The following ZNF777 variants were observed in gnomAD, a reference collection of about 807,000 sequenced individuals.
The protein encoded by ZNF777 is zinc finger protein 777.
ZNF777 carries 7 observed loss-of-function variants against 72.1 expected under a neutral mutation model. The observed-to-expected ratio is 0.10, with a 90% CI of 0.06 to 0.18. The LOEUF is 0.18. Among genes scored for constraint, ZNF777 ranks in the 10% least tolerant of loss-of-function variants. The pLI is 1.00. For missense variants in ZNF777, 828 were observed against 1,128.6 expected, an observed-to-expected ratio of 0.73 and a Z score of 3.82; for synonymous variants, 545 against 483.5, an observed-to-expected ratio of 1.13 and a Z score of -1.67.
chr7:149,432,436 G>A lies in ZNF777; in HGVS notation c.1836C>T (p.Asn612=). 6.2e-7 allele frequency: 1 copy of A among 1,613,472 alleles called. No homozygotes were observed. Among genetic ancestry groups the A allele is most frequent in the Non-Finnish European group, 8.5e-7 (1 of 1,179,922 alleles). ...CVSPERGPTF[N]PKHALKPRPK... is the part of the protein sequence containing the mutation. ...GACGCGGCTTGAGCGCGTGCTTGGG[G>A]TTGAACGTGGGCCCGCGTTCGGGTG... Residue 612 remains asparagine, a synonymous_variant, in exon 6 of 6, where the codon AAC becomes AAT. Coordinates refer to ENST00000247930, the MANE Select transcript of ZNF777 (RefSeq NM_015694.3).
At chr7:149,443,538 G>C (rs980544945) in intron 4 of ZNF777, among the ~76,000 whole-genome samples, 2 of 151,908 alleles carry the variant, frequency 1.3e-5, no homozygotes, top group Non-Finnish European at 2.9e-5. Flanking sequence ...TCCAATCTTC[G>C]CATGGCTATA....
At chr7:149,442,216 C>CAA (rs528928411) in intron 4 of ZNF777, among the ~76,000 whole-genome samples, 2 of 83,138 alleles carry the variant, frequency 2.4e-5, no homozygotes, top group African/African-American at 4.8e-5. Flanking sequence ...GACTCTGTCT[C>CAA]AAAAAAAAAA....
chr7:149,435,566 C>G (rs981958392), intron 5 of ZNF777, among the ~76,000 whole-genome samples: 5 of 152,080 alleles, frequency 3.3e-5, no homozygotes, highest in Admixed American at 2.6e-4. Context: ...GAATTATCTA[C>G]AGATAATTTT....
chr7:149,452,037 G>T (rs552265083), intron 3 of ZNF777, among the ~76,000 whole-genome samples: 6 of 152,006 alleles, frequency 3.9e-5, no homozygotes, highest in African/African-American at 1.5e-4. Context: ...AGGCCGAGGC[G>T]GGCGGATCAC....
intron 4 of ZNF777, among the ~76,000 whole-genome samples, chr7:149,442,966 G>A (rs1799549598): frequency 6.6e-6 from 1 of 152,162 alleles, no homozygotes; most frequent in Non-Finnish European, 1.5e-5. Flanking sequence ...GAAGGGTGAA[G>A]GCATGTAAAT....
At chr7:149,444,249 T>C (rs1405750954) in intron 4 of ZNF777, among the ~76,000 whole-genome samples, 1 of 152,242 alleles carries the variant, frequency 6.6e-6, no homozygotes, top group African/African-American at 2.4e-5. Flanking sequence ...TTGCTTTCCC[T>C]AGATCTGACA....
Position 149,455,862 on chromosome 7 carries a change from C to G in ZNF777, c.161G>C (p.Gly54Ala). 1 of 1,613,408 alleles carries G rather than the reference C, an allele frequency of 6.2e-7. No homozygotes were observed. The highest frequency in any genetic ancestry group is 8.5e-7 in the Non-Finnish European group (1 of 1,179,900). ...AGCACTGGAAGTTTGGGGCAGGGAG[C>G]CTTGACGGGGAATGGTGGGAGACAA... is the stretch of plus-strand genomic sequence containing the variant. ...PSLSPTIPRQ[G>A]SLPQTSSAPK... The change falls in exon 2 of 6, where the codon GGC becomes GCC. Residue 54 changes from glycine (G) to alanine (A), a missense_variant. Physicochemically the swap from Gly to Ala is moderately conservative, Grantham distance 60. This residue lies in a region of ZNF777 where 222 missense variants were observed against 211.2 expected (regional missense o/e 1.05). Transcript: ENST00000247930. The surrounding 1 kb of genome is among the most constrained non-coding windows in gnomAD (Gnocchi z 4.2).
chr7:149,443,640 C>CT (rs939128667), intron 4 of ZNF777, among the ~76,000 whole-genome samples: 8 of 152,010 alleles, frequency 5.3e-5, no homozygotes, highest in African/African-American at 1.4e-4. Flanking sequence ...TTCAAAACTT[C>CT]TTTTTTTTGA....
chr7:149,438,579 G>C (rs1799458499), intron 4 of ZNF777, among the ~76,000 whole-genome samples: 1 of 152,246 alleles, frequency 6.6e-6, no homozygotes, highest in East Asian at 1.9e-4. Context: ...AAAAAACATA[G>C]ACCTTACATA....
In ZNF777 at chr7:149,438,276, G is replaced by C. The variant is rs182362466; in HGVS notation, c.1088-1450C>G. Among the ~76,000 whole-genome samples, 465 of 152,266 alleles carry C rather than the reference G, an allele frequency of 3.1e-3. 1 individual carries two copies. The highest frequency in any genetic ancestry group is 0.011 in the African/African-American group (450 of 41,540). ...GCCTCCCAAAGTGCTGGAATTACAG[G>C]CATGAGCCACCACACCTGGCTTCAA... On this transcript the variant is annotated intron_variant, in intron 4 of 5. Coordinates refer to ENST00000247930, the MANE Select transcript of ZNF777 (RefSeq NM_015694.3).
In ZNF777 at chr7:149,454,139, C is replaced by T. The variant is rs1291872283; in HGVS notation, c.945G>A (p.Arg315=). 2 of 1,614,068 alleles carry T rather than the reference C, an allele frequency of 1.2e-6. No homozygotes were observed. Among genetic ancestry groups the T allele is most frequent in the African/African-American group, 1.3e-5 (1 of 74,920 alleles). Residue 315 remains arginine (R), a synonymous_variant, in exon 3 of 6, where the codon AGG becomes AGA. Transcript: ENST00000247930. ...WQKELYKNVM[R]GNYESLVSMD... ...TGGAAACCAGGGACTCGTAGTTGCC[C>T]CTCATCACGTTCTTGTAGAGCTCCT...
At chr7:149,450,088 A>G (rs1799686295) in intron 4 of ZNF777, among the ~76,000 whole-genome samples, 1 of 152,188 alleles carries the variant, frequency 6.6e-6, no homozygotes, top group African/African-American at 2.4e-5. Context: ...TTCAGCAGAC[A>G]TGATCGCCAG....
chr7:149,452,093 G>A (rs184401204), intron 3 of ZNF777, among the ~76,000 whole-genome samples: 3,633 of 151,642 alleles, frequency 0.024, 152 homozygotes, highest in African/African-American at 0.083. Context: ...GTGAAACCCC[G>A]TCTCTACTAA....
intron 4 of ZNF777, among the ~76,000 whole-genome samples, chr7:149,441,175 CATTTA>C (rs1799507695): frequency 1.3e-5 from 2 of 152,238 alleles, no homozygotes; most frequent in Admixed American, 1.3e-4. Flanking sequence ...AAGCTGCATT[CATTTA>C]TAAGCAGGAA....
At chr7:149,443,189 A>C (rs1231144157) in intron 4 of ZNF777, among the ~76,000 whole-genome samples, 1 of 152,144 alleles carries the variant, frequency 6.6e-6, no homozygotes, top group Non-Finnish European at 1.5e-5. Context: ...AATACACAGA[A>C]TACTACTGTC....
Position 149,448,579 on chromosome 7 carries a change from C to CATATAGT in ZNF777, c.1087+2419_1087+2420insACTATAT, listed in dbSNP as rs1799655181. Among the ~76,000 whole-genome samples the CATATAGT allele has an allele frequency of 2.3e-4, 27 of 115,068 alleles. No individual in the cohort carries two copies. In the East Asian group the frequency reaches 4.1e-3, roughly 18 times the overall value. 75.5% of individuals were successfully genotyped at this position (115,068 alleles called of 152,430 possible). On this transcript the variant is annotated intron_variant, in intron 4 of 5. Transcript: ENST00000247930. Reference sequence around the variant, plus strand: ...TATAGTTATATAGTTATACATATAACTATATATATATATATATATATATAT... The same window carrying CATATAGT: ...TATAGTTATATAGTTATACATATAACATATAGTTATATATATATATATATATATATAT...
At chr7:149,459,703 G>A (rs1799906963) in intron 1 of ZNF777, 1 of 985,026 alleles carries the variant, frequency 1.0e-6, no homozygotes, top group African/African-American at 1.7e-5. Context: ...CCAGGTGTCT[G>A]TGCCTCAGTG....
intron 3 of ZNF777, 84 bp from the exon 4 acceptor site, chr7:149,451,196 T>G (rs1799709951): frequency 4.1e-6 from 5 of 1,227,806 alleles, no homozygotes; most frequent in Non-Finnish European, 5.9e-6. Flanking sequence ...GGCACGTGAT[T>G]CCAGGAGCAG....
chr7:149,459,762 G>A (rs760853996), intron 1 of ZNF777: 6 of 984,908 alleles, frequency 6.1e-6, no homozygotes, highest in Non-Finnish European at 7.2e-6. Flanking sequence ...CGCCCGGGCC[G>A]GGGAAGGCTC....
Sources: gnomAD v4.1 joint callset for allele counts (sites outside exome capture counted in the v4.1 genomes callset) on GRCh38, gnomAD v4.1.1 for gene constraint, gnomAD v4.1.1 regional missense constraint, Gnocchi (gnomAD v3.1) non-coding constraint, MANE v1.5 for transcripts, NCBI Gene and HGNC (gene_info 2026-07-23, HGNC 2026-07-21) for gene names.